Variants in GBE1 observed in about 807,000 individuals in gnomAD.
GBE1 encodes the protein 1,4-alpha-glucan-branching enzyme.
A neutral mutation model predicts 88.8 loss-of-function variants in GBE1; 70 were observed. The ratio of observed to expected loss-of-function variants is 0.79; its 90% CI spans 0.65 to 0.96. GBE1 has a LOEUF of 0.96. Ranked by LOEUF, GBE1 falls within the 40% of genes least tolerant of loss-of-function variation. The pLI, the probability that GBE1 is intolerant of heterozygous loss-of-function variation, is 0.00. For missense variants in GBE1, 872 were observed against 871.0 expected (o/e 1.00, Z -0.01); for synonymous variants, 284 against 300.1 (o/e 0.95, Z 0.56).
At chr3:81,569,902 C>T (rs141582796) in intron 12 of GBE1, among the ~76,000 whole-genome samples, 6,064 of 152,164 alleles carry the variant, frequency 0.04, 404 homozygotes, top group African/African-American at 0.14. Context: ...GCAACCTCCA[C>T]CTCCCAGGTT....
intron 1 of GBE1, among the ~76,000 whole-genome samples, chr3:81,720,320 C>T (rs185841576): frequency 6.7e-6 from 1 of 150,210 alleles, no homozygotes; most frequent in East Asian, 2.0e-4. Flanking sequence ...CACACATACA[C>T]ACACGCACAC....
chr3:81,612,853 A>C (rs563709786), intron 7 of GBE1: 3 of 407,238 alleles, frequency 7.4e-6, no homozygotes, highest in South Asian at 6.2e-5. Flanking sequence ...GAGTTAGGAG[A>C]GTTCATCAAA....
intron 7 of GBE1, among the ~76,000 whole-genome samples, chr3:81,609,330 CAG>C: frequency 6.6e-6 from 1 of 152,166 alleles, no homozygotes; most frequent in Non-Finnish European, 1.5e-5. Context: ...GAAACTGAAA[CAG>C]ATATTAAGTG....
At chr3:81,510,357 ATAGT>A (rs751644849) in intron 14 of GBE1, among the ~76,000 whole-genome samples, 14 of 152,264 alleles carry the variant, frequency 9.2e-5, no homozygotes, top group Non-Finnish European at 2.1e-4. Context: ...GGCGTAACAT[ATAGT>A]TAATGTATAG....
At chr3:81,715,928 A>G (rs904211780) in intron 1 of GBE1, among the ~76,000 whole-genome samples, 1 of 152,222 alleles carries the variant, frequency 6.6e-6, no homozygotes, top group African/African-American at 2.4e-5. Flanking sequence ...TTCTAAGTAG[A>G]AAACTTAAAA....
chr3:81,629,958 C>T (rs1336808912), intron 7 of GBE1, among the ~76,000 whole-genome samples: 1 of 143,084 alleles, frequency 7.0e-6, no homozygotes, highest in Non-Finnish European at 1.5e-5. Context: ...TGAGTGAGAA[C>T]ATGCAGTGTT....
intron 7 of GBE1, among the ~76,000 whole-genome samples, chr3:81,613,434 T>C (rs1704208336): frequency 1.3e-5 from 2 of 152,084 alleles, no homozygotes; most frequent in East Asian, 3.9e-4. Context: ...CAATTCTAGT[T>C]TTTTCCTCCT....
intron 14 of GBE1, among the ~76,000 whole-genome samples, chr3:81,501,094 C>G (rs972227383): frequency 1.3e-5 from 2 of 152,040 alleles, no homozygotes; most frequent in African/African-American, 4.8e-5. Context: ...ACATGTACCC[C>G]CTGAACCTAA....
At chr3:81,622,693 C>A (rs1035167914) in intron 7 of GBE1, among the ~76,000 whole-genome samples, 6 of 152,172 alleles carry the variant, frequency 3.9e-5, no homozygotes, top group Non-Finnish European at 5.9e-5. Context: ...TCCTTCTCCT[C>A]CCAGTTCCCC....
chr3:81,590,452 C>T (rs976018000), intron 9 of GBE1, among the ~76,000 whole-genome samples: 2 of 151,974 alleles, frequency 1.3e-5, no homozygotes, highest in South Asian at 4.1e-4. Flanking sequence ...TAATTTATCA[C>T]ATTTATCACC....
intron 7 of GBE1, among the ~76,000 whole-genome samples, chr3:81,605,524 ATTGT>A (rs532903050): frequency 9.1e-4 from 139 of 152,302 alleles, no homozygotes; most frequent in Middle Eastern, 3.4e-3. Flanking sequence ...ATTTGACCTG[ATTGT>A]TTGACAGTAA....
chr3:81,612,240 AAAAC>A, intron 7 of GBE1: 1 of 533,024 alleles, frequency 1.9e-6, no homozygotes, highest in South Asian at 2.6e-5. Flanking sequence ...AAAAAAAAAA[AAAAC>A]TTAAAGAAGC....
At chr3:81,570,278 C>T (rs1322321739) in intron 12 of GBE1, among the ~76,000 whole-genome samples, 1 of 152,106 alleles carries the variant, frequency 6.6e-6, no homozygotes, top group Non-Finnish European at 1.5e-5. Context: ...TTACAGAAAT[C>T]TATGGGATTA....
intron 1 of GBE1, among the ~76,000 whole-genome samples, chr3:81,723,309 G>A (rs1477758474): frequency 6.8e-6 from 1 of 146,098 alleles, no homozygotes; most frequent in South Asian, 2.2e-4. Context: ...CACCATGTTA[G>A]CCAGGATGGT....
chr3:81,603,482 A>G (rs1704060160), intron 7 of GBE1, among the ~76,000 whole-genome samples: 1 of 151,962 alleles, frequency 6.6e-6, no homozygotes, highest in Non-Finnish European at 1.5e-5. Context: ...TCCATCTTAT[A>G]TATTTTTATA....
rs1425084890 is a variant in GBE1 at position 81,750,617 on chromosome 3, GTATATATA to G, written c.143+10750_143+10757del. ...TATATATATGTGTATATATATATATGTATATATATATACGTATATATATATATGTATAT... is the reference window on the plus strand; with the variant it reads ...TATATATATGTGTATATATATATATGTATACGTATATATATATATGTATAT... On this transcript the variant is annotated intron_variant, in intron 1 of 15. Transcript: ENST00000429644. Among the ~76,000 whole-genome samples the G allele has an allele frequency of 2.1e-3, 89 of 42,148 alleles. 8 individuals carry two copies. Among genetic ancestry groups the G allele is most frequent in the South Asian group, 3.8e-3 (7 of 1,842 alleles). The allele number at this position is 42,148 out of a possible 152,430, so 27.7% of individuals were successfully genotyped here.
At chr3:81,496,018 C>T (rs1403324705) in intron 15 of GBE1, among the ~76,000 whole-genome samples, 1 of 152,160 alleles carries the variant, frequency 6.6e-6, no homozygotes, top group Non-Finnish European at 1.5e-5. Context: ...TCTTATCTCT[C>T]ATTTGTGCTA....
At chr3:81,687,792 AAG>A in intron 2 of GBE1, among the ~76,000 whole-genome samples, 1 of 152,356 alleles carries the variant, frequency 6.6e-6, no homozygotes, top group Non-Finnish European at 1.5e-5. Flanking sequence ...AACGTTGAAA[AAG>A]AGATCAAGGA....
rs73853353 is a variant in GBE1, at chr3:81,570,899, G to A, written c.1618+7026C>T. Among the ~76,000 whole-genome samples the A allele has an allele frequency of 8.1e-3, 1,239 of 152,200 alleles. 24 individuals carry two copies. Among genetic ancestry groups the A allele is most frequent in the African/African-American group, 0.029 (1,185 of 41,526 alleles). On this transcript the variant is annotated intron_variant, in intron 12 of 15. Coordinates refer to ENST00000429644, the MANE Select transcript of GBE1 (RefSeq NM_000158.4). ...AATGTGTCCCCATACATGCTGGCAA[G>A]TAGAAAAATAACTCCATGTTTATTT...
Sources: allele counts gnomAD v4.1 joint callset (sites outside exome capture counted in the v4.1 genomes callset), GRCh38; gene constraint gnomAD v4.1.1; transcripts MANE v1.5; gene names NCBI Gene and HGNC (gene_info 2026-07-23, HGNC 2026-07-21).